FAM107B: variants seen among roughly 807,000 people sequenced by gnomAD.
FAM107B encodes the protein protein FAM107B.
A neutral mutation model predicts 31.5 loss-of-function variants in FAM107B; 21 were observed. That is an observed-to-expected ratio of 0.67 (90% confidence interval 0.47 to 0.96). The LOEUF is 0.96. Among genes scored for constraint, FAM107B ranks in the 40% least tolerant of loss-of-function variants. The pLI, the probability that FAM107B is intolerant of heterozygous loss-of-function variation, is 0.00. For missense variants in FAM107B, 452 were observed against 377.1 expected (o/e 1.20, Z -1.64); for synonymous variants, 157 against 141.5 (o/e 1.11, Z -0.78).
chr10:14,696,986 G>A (rs923745362), intron 1 of FAM107B, among the ~76,000 whole-genome samples: 12 of 152,044 alleles, frequency 7.9e-5, no homozygotes, highest in African/African-American at 1.2e-4. Flanking sequence ...CCACTACTAC[G>A]CAACCAGGCC....
chr10:14,626,598 G>A (rs1853171553), intron 2 of FAM107B, among the ~76,000 whole-genome samples: 1 of 149,952 alleles, frequency 6.7e-6, no homozygotes. Flanking sequence ...CCGCCTTCCG[G>A]GTTCACGCCA....
At chr10:14,526,644 T>C (rs537008231) in intron 3 of FAM107B, among the ~76,000 whole-genome samples, 113 of 152,278 alleles carry the variant, frequency 7.4e-4, no homozygotes, top group Non-Finnish European at 7.6e-4. Flanking sequence ...CAAGTATTTA[T>C]TGAGGAACTA....
At chr10:14,699,577 G>C (rs2131521537) in intron 1 of FAM107B, among the ~76,000 whole-genome samples, 1 of 152,316 alleles carries the variant, frequency 6.6e-6, no homozygotes, top group East Asian at 1.9e-4. Context: ...ATGAATCGGA[G>C]GGTGCCTGCC....
chr10:14,613,605 C>A (rs1322428922), intron 2 of FAM107B, among the ~76,000 whole-genome samples: 1 of 152,128 alleles, frequency 6.6e-6, no homozygotes, highest in Admixed American at 6.5e-5. Context: ...TCTGTCATTT[C>A]TCTCAAATCT....
intron 1 of FAM107B, among the ~76,000 whole-genome samples, chr10:14,676,592 G>T (rs973172504): frequency 6.6e-6 from 1 of 152,174 alleles, no homozygotes; most frequent in Non-Finnish European, 1.5e-5. Flanking sequence ...AGATAAGTCA[G>T]AAATGCCTCC....
chr10:14,699,383 G>A (rs1402882598), intron 1 of FAM107B, among the ~76,000 whole-genome samples: 1 of 152,202 alleles, frequency 6.6e-6, no homozygotes, highest in Non-Finnish European at 1.5e-5. Flanking sequence ...AGCTGGTGGT[G>A]TAGTCCCAGA....
intron 2 of FAM107B, among the ~76,000 whole-genome samples, chr10:14,646,879 C>T (rs977378333): frequency 6.7e-6 from 1 of 148,334 alleles, no homozygotes; most frequent in African/African-American, 2.5e-5. Flanking sequence ...CTGCAAGCTC[C>T]GCCTCCTGGA....
At chr10:14,646,789 C>CTTTTTTTTT (rs369557470) in intron 2 of FAM107B, among the ~76,000 whole-genome samples, 7 of 86,764 alleles carry the variant, frequency 8.1e-5, no homozygotes, top group Non-Finnish European at 1.2e-4. Flanking sequence ...CCATTTTCTC[C>CTTTTTTTTT]TTTTTTTTTT....
chr10:14,764,322 G>T (rs1417013953), intron 1 of FAM107B, among the ~76,000 whole-genome samples: 1 of 152,154 alleles, frequency 6.6e-6, no homozygotes, highest in Non-Finnish European at 1.5e-5. Context: ...TAACTCATTT[G>T]CCGGGAAGTT....
At chr10:14,633,331 T>C (rs549763109) in intron 2 of FAM107B, among the ~76,000 whole-genome samples, 1 of 152,286 alleles carries the variant, frequency 6.6e-6, no homozygotes, top group African/African-American at 2.4e-5. Context: ...CACAATTCCT[T>C]AAGGGAAGCA....
chr10:14,700,870 A>C (rs1216658206), intron 1 of FAM107B, among the ~76,000 whole-genome samples: 2 of 149,300 alleles, frequency 1.3e-5, no homozygotes, highest in Non-Finnish European at 3.0e-5. Context: ...GGGTGAGTGC[A>C]AAAGTAGAGC....
At chr10:14,764,932 T>G (rs563259508) in intron 1 of FAM107B, among the ~76,000 whole-genome samples, 1 of 152,336 alleles carries the variant, frequency 6.6e-6, no homozygotes, top group Admixed American at 6.5e-5. Context: ...AGTGACTCTT[T>G]GGGTAGGCAC....
At chr10:14,716,758 A>G (rs1004862086) in intron 1 of FAM107B, among the ~76,000 whole-genome samples, 1 of 152,146 alleles carries the variant, frequency 6.6e-6, no homozygotes, top group Non-Finnish European at 1.5e-5. Context: ...TGTGGATGAT[A>G]TTGCCACTGT....
intron 3 of FAM107B, among the ~76,000 whole-genome samples, chr10:14,526,355 T>C (rs932811937): frequency 6.6e-6 from 1 of 152,184 alleles, no homozygotes; most frequent in African/African-American, 2.4e-5. Flanking sequence ...TTTGTATTTT[T>C]AGTAGAGATG....
At chr10:14,740,699 G>A (rs1588746482) in intron 1 of FAM107B, among the ~76,000 whole-genome samples, 2 of 152,136 alleles carry the variant, frequency 1.3e-5, no homozygotes, top group East Asian at 3.9e-4. Flanking sequence ...TGTGCACAGG[G>A]AGGGGACAGT....
At chr10:14,696,986 G>C (rs923745362) in intron 1 of FAM107B, among the ~76,000 whole-genome samples, 1 of 152,044 alleles carries the variant, frequency 6.6e-6, no homozygotes, top group Non-Finnish European at 1.5e-5. Flanking sequence ...CCACTACTAC[G>C]CAACCAGGCC....
rs1232982191 is a variant in FAM107B at position 14,774,615 on chromosome 10, T to C, written c.49A>G (p.Arg17Gly). Residue 17 changes from arginine to glycine, a missense_variant, in exon 1 of 5, where the codon AGA (arginine) becomes GGA (glycine). Physicochemically the swap from Arg to Gly is moderately radical, Grantham distance 125. Coordinates refer to ENST00000181796, the MANE Select transcript of FAM107B (RefSeq NM_031453.4). ...GAGCACGGAAATGGATGCATGCTTCTAGAGGGAGACTTCAGTCTTTTGGTG... is the reference window on the plus strand; with the variant it reads ...GAGCACGGAAATGGATGCATGCTTCCAGAGGGAGACTTCAGTCTTTTGGTG... ...RLTKRLKSPS[R>G]SMHPFPCSAL... The C allele has an allele frequency of 5.0e-6, 8 of 1,614,044 alleles. No homozygotes were observed. Among genetic ancestry groups the C allele is most frequent in the Non-Finnish European group, 6.8e-6 (8 of 1,180,022 alleles).
intron 1 of FAM107B, among the ~76,000 whole-genome samples, chr10:14,685,957 G>A (rs1218082283): frequency 6.6e-6 from 1 of 152,110 alleles, no homozygotes; most frequent in Non-Finnish European, 1.5e-5. Context: ...CTTGTACAGG[G>A]GAACTCCCAT....
Position 14,774,369 on chromosome 10 carries a change from C to T in FAM107B, c.295G>A (p.Ala99Thr). 5.0e-6 allele frequency: 8 copies of T among 1,614,200 alleles called. No homozygotes were observed. Among genetic ancestry groups the T allele is most frequent in the Admixed American group, 3.3e-5 (2 of 60,030 alleles). The change falls in exon 1 of 5, where the codon GCC (alanine) becomes ACC (threonine). Residue 99 changes from alanine (A) to threonine (T), a missense_variant. Transcript: ENST00000181796. ...ANRNSSHRTAAQPAETPEDVP... is the reference protein window; with the variant it reads ...ANRNSSHRTATQPAETPEDVP... The stretch of plus-strand genomic sequence containing the variant: ...TCTTCAGGCGTCTCCGCGGGCTGGG[C>T]CGCAGTGCGGTGACTTGAATTCCGA...
Sources: allele counts gnomAD v4.1 joint callset (sites outside exome capture counted in the v4.1 genomes callset), GRCh38; gene constraint gnomAD v4.1.1; transcripts MANE v1.5; gene names NCBI Gene and HGNC (gene_info 2026-07-23, HGNC 2026-07-21).